The following RTN4 variants were observed in gnomAD, a reference collection of about 807,000 sequenced individuals.
RTN4 encodes the protein reticulon 4.
RTN4 carries 32 observed loss-of-function variants against 90.4 expected under a neutral mutation model. That is an observed-to-expected ratio of 0.35 (90% CI 0.27 to 0.48). RTN4 has a LOEUF of 0.48. Ranked by LOEUF, RTN4 falls within the 20% of genes least tolerant of loss-of-function variation. RTN4 has a pLI of 0.99. For missense variants in RTN4, 1,706 were observed against 1,430.2 expected (o/e 1.19, Z -3.11); for synonymous variants, 629 against 552.5 (o/e 1.14, Z -1.94).
chr2:55,075,562 C>G (rs1668585025), intron 2 of RTN4, among the ~76,000 whole-genome samples: 1 of 152,110 alleles, frequency 6.6e-6, no homozygotes, highest in Non-Finnish European at 1.5e-5. Context: ...AATACCACCA[C>G]CATTCTTCAC....
At chr2:55,059,852 A>G (rs1668258098) in intron 2 of RTN4, among the ~76,000 whole-genome samples, 2 of 151,626 alleles carry the variant, frequency 1.3e-5, no homozygotes, top group Admixed American at 1.3e-4. Flanking sequence ...GAGAGAGAGA[A>G]AGAGAGAGAG....
chr2:54,973,578 T>C lies in RTN4; in HGVS notation c.3521A>G (p.Lys1174Arg). Residue 1174 changes from lysine to arginine, a missense_variant, in exon 8 of 9, where the codon AAA (lysine) becomes AGA (arginine). Coordinates refer to ENST00000337526, the MANE Select transcript of RTN4 (RefSeq NM_020532.5). ...HYLGLANKNV[K>R]DAMAKIQAKI... The stretch of plus-strand genomic sequence containing the variant: ...AAATACTTACTTAGCCATAGCATCT[T>C]TAACATTCTTATTTGCAAGTCCTAG... 1 of 1,609,406 alleles carries C rather than the reference T, an allele frequency of 6.2e-7. No homozygotes were observed.
At chr2:55,129,603 T>C in the RTN4 span, among the ~76,000 whole-genome samples, 1 of 151,934 alleles carries the variant, frequency 6.6e-6, no homozygotes, top group Admixed American at 6.6e-5. Context: ...GGAGTCTCGC[T>C]CAGGCTGGAG....
chr2:55,030,106 G>A (rs556460361), intron 1 of RTN4, among the ~76,000 whole-genome samples: 1 of 152,130 alleles, frequency 6.6e-6, no homozygotes, highest in Non-Finnish European at 1.5e-5. Context: ...TCAGAGGCTA[G>A]TCTATCTGGA....
At chr2:54,973,383 C>A in intron 8 of RTN4, 180 bp downstream of exon 8, 1 of 754,754 alleles carries the variant, frequency 1.3e-6, no homozygotes. Context: ...GCCTTAAACA[C>A]ATAATAAACC....
chr2:54,997,322 C>T (rs140615316), intron 3 of RTN4, among the ~76,000 whole-genome samples: 594 of 152,072 alleles, frequency 3.9e-3, no homozygotes, highest in Middle Eastern at 6.8e-3. Flanking sequence ...CTTCATACCC[C>T]CTAGGATGGC....
At chr2:55,131,327 G>A in the RTN4 span, among the ~76,000 whole-genome samples, 202 of 152,084 alleles carry the variant, frequency 1.3e-3, no homozygotes, top group African/African-American at 4.3e-3. Flanking sequence ...TCCTGTCTCA[G>A]CCTCCTGAGT....
the RTN4 span, among the ~76,000 whole-genome samples, chr2:55,122,258 C>A: frequency 7.2e-5 from 11 of 152,194 alleles, no homozygotes; most frequent in Non-Finnish European, 1.6e-4. Flanking sequence ...GGATTATAGG[C>A]ATGAGCCACT....
intron 3 of RTN4, among the ~76,000 whole-genome samples, chr2:55,019,767 A>C (rs761004916): frequency 1.3e-5 from 2 of 152,190 alleles, no homozygotes; most frequent in Non-Finnish European, 2.9e-5. Context: ...AAATTAGAAA[A>C]GAGGAAGTCA....
intron 2 of RTN4, among the ~76,000 whole-genome samples, chr2:55,062,584 T>C (rs372515046): frequency 1.4e-4 from 21 of 152,216 alleles, no homozygotes; most frequent in Admixed American, 9.8e-4. Context: ...AATTTGAACA[T>C]TTTTGGCAAG....
intron 1 of RTN4, 153 bp downstream of exon 1, chr2:55,049,592 C>A (rs1667978395): frequency 1.6e-6 from 2 of 1,287,262 alleles, no homozygotes; most frequent in African/African-American, 1.5e-5. Flanking sequence ...CTTCTCCCCG[C>A]GCTTCCAACC....
chr2:55,106,449 T>C (rs1224891269), intron 1 of RTN4, among the ~76,000 whole-genome samples: 1 of 152,048 alleles, frequency 6.6e-6, no homozygotes, highest in Non-Finnish European at 1.5e-5. Context: ...CCTCACACAG[T>C]TGTGAGAGGA....
chr2:55,028,361 G>C (rs1467001523), intron 1 of RTN4, 141 bp from the exon 2 acceptor site: 4 of 605,470 alleles, frequency 6.6e-6, no homozygotes, highest in African/African-American at 3.8e-5. Flanking sequence ...TCAAAAGGAA[G>C]TCAGAAAAAG....
At chr2:55,096,245 G>C (rs2105050532) in intron 1 of RTN4, among the ~76,000 whole-genome samples, 1 of 152,114 alleles carries the variant, frequency 6.6e-6, no homozygotes, top group South Asian at 2.1e-4. Context: ...AGAATCGCTT[G>C]AACCCGGGAG....
At chr2:55,129,375 A>T in the RTN4 span, among the ~76,000 whole-genome samples, 1 of 152,068 alleles carries the variant, frequency 6.6e-6, no homozygotes, top group South Asian at 2.1e-4. Flanking sequence ...GGAGTTCGTG[A>T]CCAGCTTGGG....
At chr2:54,974,628 A>C in intron 6 of RTN4, 67 bp downstream of exon 6, 4 of 1,265,562 alleles carry the variant, frequency 3.2e-6, no homozygotes, top group Non-Finnish European at 4.6e-6. Flanking sequence ...TTCTCCACTA[A>C]AATGTCTAAG....
In RTN4 at chr2:54,982,598, T is replaced by C; in HGVS notation, c.3277A>G (p.Asn1093Asp). 1 of 1,613,742 alleles carries C rather than the reference T, an allele frequency of 6.2e-7. No individual in the cohort carries two copies. The highest frequency in any genetic ancestry group is 8.5e-7 in the Non-Finnish European group (1 of 1,179,848). Residue 1093 changes from asparagine to aspartate, a missense_variant, in exon 5 of 9, where the codon AAT (asparagine) becomes GAT (aspartate). Physicochemically the swap from Asn to Asp is conservative, Grantham distance 23. Coordinates refer to ENST00000337526, the MANE Select transcript of RTN4 (RefSeq NM_020532.5). The stretch of plus-strand genomic sequence containing the variant: ...CAGTTCACATGACCAAGAGCAGAAT[T>C]ACTGTACTTCTGAACCAACTCCTCA... The part of the protein sequence containing the change: ...ISEELVQKYS[N>D]SALGHVNCTI...
chr2:55,045,536 T>C (rs1029127560), intron 1 of RTN4, among the ~76,000 whole-genome samples: 6 of 152,220 alleles, frequency 3.9e-5, no homozygotes, highest in African/African-American at 1.4e-4. Flanking sequence ...TCACCAATTT[T>C]CTAATACTGC....
intron 3 of RTN4, among the ~76,000 whole-genome samples, chr2:55,007,462 G>A (rs1680311939): frequency 1.3e-5 from 2 of 152,012 alleles, no homozygotes; most frequent in South Asian, 4.2e-4. Flanking sequence ...CTGCGGTCTG[G>A]CCCAGGGTAT....
Sources: allele counts gnomAD v4.1 joint callset (sites outside exome capture counted in the v4.1 genomes callset), GRCh38; gene constraint gnomAD v4.1.1; transcripts MANE v1.5; gene names NCBI Gene and HGNC (gene_info 2026-07-23, HGNC 2026-07-21).